PTPRK: variants seen among roughly 807,000 people sequenced by gnomAD.
The protein encoded by PTPRK is protein tyrosine phosphatase receptor type K.
A neutral mutation model predicts 178.0 loss-of-function variants in PTPRK; 75 were observed. The ratio of observed to expected loss-of-function variants is 0.42; its 90% CI spans 0.35 to 0.51. PTPRK has a LOEUF of 0.51. PTPRK is among the 20% of genes least tolerant of loss of function. The probability of loss-of-function intolerance (pLI) is 0.02; values close to 1 mark genes in which losing one functional copy is unlikely to be tolerated. For synonymous variants in PTPRK, 637 were observed against 620.6 expected, an observed-to-expected ratio of 1.03 and a Z score of -0.39; for missense variants, 1,441 against 1,797.8, an observed-to-expected ratio of 0.80 and a Z score of 3.59.
At chr6:127,995,699 C>T (rs1777072476) in intron 17 of PTPRK, among the ~76,000 whole-genome samples, 161 bp from the exon 18 acceptor site, 1 of 151,956 alleles carries the variant, frequency 6.6e-6, no homozygotes, top group Non-Finnish European at 1.5e-5. Context: ...GTTAGTGAAC[C>T]TTGCTATTAC....
chr6:128,311,640 A>G (rs1456024072), intron 3 of PTPRK, among the ~76,000 whole-genome samples: 1 of 151,810 alleles, frequency 6.6e-6, no homozygotes, highest in Non-Finnish European at 1.5e-5. Context: ...CTGCCTTTAC[A>G]CACCCACCAT....
chr6:128,125,746 A>G (rs1270860244), intron 7 of PTPRK, among the ~76,000 whole-genome samples: 2 of 149,224 alleles, frequency 1.3e-5, no homozygotes, highest in Non-Finnish European at 3.0e-5. Context: ...AGTAGCTGTG[A>G]TTACAGGGAT....
At chr6:128,261,617 G>C (rs879644858) in intron 3 of PTPRK, among the ~76,000 whole-genome samples, 3 of 152,092 alleles carry the variant, frequency 2.0e-5, no homozygotes, top group Non-Finnish European at 4.4e-5. Context: ...AAAATGTTCT[G>C]TATCTGTCTA....
chr6:128,334,772 C>T (rs1038751819), intron 2 of PTPRK, among the ~76,000 whole-genome samples: 1 of 152,082 alleles, frequency 6.6e-6, no homozygotes, highest in African/African-American at 2.4e-5. Context: ...CCCCCATCAC[C>T]CAAATAAAAG....
intron 3 of PTPRK, among the ~76,000 whole-genome samples, chr6:128,252,393 TC>T (rs1816603619): frequency 3.3e-5 from 5 of 152,228 alleles, no homozygotes; most frequent in Non-Finnish European, 1.5e-5. Flanking sequence ...TAAACGATTA[TC>T]AATGGTGTTT....
At chr6:127,987,664 T>C (rs1583523476) in intron 21 of PTPRK, among the ~76,000 whole-genome samples, 1 of 152,146 alleles carries the variant, frequency 6.6e-6, no homozygotes, top group East Asian at 1.9e-4. Flanking sequence ...TAATTTGTCT[T>C]TTCTAGTAGT....
At chr6:128,215,401 G>A (rs968188232) in intron 6 of PTPRK, among the ~76,000 whole-genome samples, 4 of 152,118 alleles carry the variant, frequency 2.6e-5, no homozygotes, top group Non-Finnish European at 4.4e-5. Context: ...ACTTCGACTT[G>A]TATTTCAAAT....
chr6:127,986,059 C>T (rs1204675900), intron 21 of PTPRK, among the ~76,000 whole-genome samples, 184 bp from the exon 22 acceptor site: 1 of 151,974 alleles, frequency 6.6e-6, no homozygotes, highest in Non-Finnish European at 1.5e-5. Flanking sequence ...TAGGAGCTTA[C>T]CTTTATTGTC....
At chr6:128,432,772 A>ACACACACACACACACC (rs965738083) in intron 1 of PTPRK, among the ~76,000 whole-genome samples, 6 of 150,830 alleles carry the variant, frequency 4.0e-5, no homozygotes, top group African/African-American at 1.5e-4. Flanking sequence ...ACACACACAC[A>ACACACACACACACACC]CCCTAACTCA....
intron 1 of PTPRK, among the ~76,000 whole-genome samples, chr6:128,431,350 T>A: frequency 6.6e-6 from 1 of 152,254 alleles, no homozygotes; most frequent in Middle Eastern, 3.4e-3. Flanking sequence ...CAAGCATCCA[T>A]GATAAATAAA....
chr6:128,025,189 A>G (rs929844205), intron 13 of PTPRK, among the ~76,000 whole-genome samples: 1 of 152,180 alleles, frequency 6.6e-6, no homozygotes, highest in African/African-American at 2.4e-5. Context: ...GACAACAAAG[A>G]TTTGCATAAG....
intron 1 of PTPRK, among the ~76,000 whole-genome samples, chr6:128,420,996 C>A (rs1165650164): frequency 1.3e-5 from 2 of 152,154 alleles, no homozygotes; most frequent in Admixed American, 1.3e-4. Flanking sequence ...TTATTGTTTG[C>A]CAGCATGTCT....
At chr6:128,510,914 C>T (rs1857084895) in intron 1 of PTPRK, among the ~76,000 whole-genome samples, 1 of 151,724 alleles carries the variant, frequency 6.6e-6, no homozygotes, top group African/African-American at 2.4e-5. Flanking sequence ...GAACACTAAC[C>T]TATACATTAA....
chr6:128,093,596 CAAAA>C (rs1172145765), intron 7 of PTPRK, among the ~76,000 whole-genome samples: 1 of 6,274 alleles, frequency 1.6e-4, no homozygotes, highest in Non-Finnish European at 3.1e-4. Context: ...GACTCTCTCT[CAAAA>C]AAAAAAAAAA....
At chr6:128,004,989 T>A (rs1481709211) in intron 15 of PTPRK, 95 bp downstream of exon 15, 2 of 1,095,120 alleles carry the variant, frequency 1.8e-6, no homozygotes, top group African/African-American at 3.2e-5. Flanking sequence ...TCCCCTCACT[T>A]TCCTACTCTC....
At chr6:128,162,448 G>GGT (rs1798836064) in intron 7 of PTPRK, among the ~76,000 whole-genome samples, 1 of 151,410 alleles carries the variant, frequency 6.6e-6, no homozygotes, top group Non-Finnish European at 1.5e-5. Flanking sequence ...CCAGAATGTG[G>GGT]GTATAGCTCA....
At chr6:128,048,874 G>T (rs576308186) in intron 13 of PTPRK, among the ~76,000 whole-genome samples, 1 of 152,250 alleles carries the variant, frequency 6.6e-6, no homozygotes, top group Non-Finnish European at 1.5e-5. Context: ...ATTTGTTTGT[G>T]TTTGGTCTAT....
At chr6:128,378,232 G>T (rs999236036) in intron 2 of PTPRK, among the ~76,000 whole-genome samples, 1 of 152,046 alleles carries the variant, frequency 6.6e-6, no homozygotes, top group Non-Finnish European at 1.5e-5. Context: ...ACAAAACTGA[G>T]TAGTTCCTAT....
intron 6 of PTPRK, among the ~76,000 whole-genome samples, chr6:128,201,417 T>C (rs1252707603): frequency 2.0e-5 from 3 of 152,250 alleles, no homozygotes; most frequent in African/African-American, 7.2e-5. Flanking sequence ...CATGTGAGTG[T>C]GCATGAGTGT....
Sources: gnomAD v4.1 joint callset for allele counts (sites outside exome capture counted in the v4.1 genomes callset) on GRCh38, gnomAD v4.1.1 for gene constraint, MANE v1.5 for transcripts, NCBI Gene and HGNC (gene_info 2026-07-23, HGNC 2026-07-21) for gene names.